CAPRIN2: variants seen among roughly 807,000 people sequenced by gnomAD.
The protein encoded by CAPRIN2 is caprin family member 2, also known as caprin-2.
CAPRIN2 carries 66 observed loss-of-function variants against 130.4 expected under a neutral mutation model. The ratio of observed to expected loss-of-function variants is 0.51; its 90% CI spans 0.42 to 0.62. The LOEUF (loss-of-function observed/expected upper bound fraction) is 0.62, where lower values mean the gene tolerates loss of function less well. CAPRIN2 is among the 20% of genes least tolerant of loss of function. The pLI is 0.00. For synonymous variants in CAPRIN2, 471 were observed against 444.1 expected, an observed-to-expected ratio of 1.06 and a Z score of -0.76; for missense variants, 1,185 against 1,246.6, an observed-to-expected ratio of 0.95 and a Z score of 0.74.
intron 12 of CAPRIN2, 139 bp downstream of exon 13, chr12:30,720,672 T>C (rs745709470): frequency 2.8e-5 from 16 of 572,842 alleles, no homozygotes; most frequent in Non-Finnish European, 5.0e-5. Context: ...AGTTCCAAGA[T>C]CACAATATCT....
intron 14 of CAPRIN2, among the ~76,000 whole-genome samples, chr12:30,714,213 G>A (rs1456139395): frequency 2.6e-5 from 4 of 152,126 alleles, no homozygotes; most frequent in Admixed American, 1.3e-4. Flanking sequence ...GCAGTGCCTC[G>A]CTCTGTTACT....
rs186218254 is a variant in CAPRIN2, at chr12:30,710,645, C to T, written c.2666-175G>A. The T allele has an allele frequency of 1.2e-4, 111 of 949,170 alleles. No individual in the cohort carries two copies. The African/African-American group carries it at 1.7e-3, about 15-fold the overall frequency. The allele number at this position is 949,170 out of a possible 1,614,324, so 58.8% of individuals were successfully genotyped here. A position where few individuals can be genotyped will look rare whatever the true frequency, so the allele number is the denominator to read the frequency against. ...AGATTTTTCTGGTAATAGGTTTTTACATACTCTTCTAAAGCCAGAAAGGTC... is the reference window on the plus strand; with the variant it reads ...AGATTTTTCTGGTAATAGGTTTTTATATACTCTTCTAAAGCCAGAAAGGTC... On this transcript the variant is annotated intron_variant, in intron 16 of 16. Coordinates refer to ENST00000298892, the Ensembl canonical transcript of CAPRIN2. The surrounding 1 kb of genome is among the most constrained non-coding windows in gnomAD (Gnocchi z 4.8).
At chr12:30,726,004 G>A (rs779090044) in exon 9 of CAPRIN2, 2 of 1,601,058 alleles carry the variant, frequency 1.2e-6, no homozygotes. Flanking sequence ...TGAGTCATCA[G>A]ATCCTGCAGT....
intron 5 of CAPRIN2, among the ~76,000 whole-genome samples, chr12:30,732,958 T>G (rs192612741): frequency 1.2e-4 from 18 of 152,244 alleles, no homozygotes; most frequent in Admixed American, 3.9e-4. Context: ...AAGAAATAAA[T>G]TTTTAATTTT....
intron 14 of CAPRIN2, 48 bp from the exon 17 acceptor site, chr12:30,713,933 A>AACTT: frequency 9.1e-7 from 1 of 1,100,928 alleles, no homozygotes; most frequent in Non-Finnish European, 1.4e-6. Context: ...AATCATATTA[A>AACTT]ACTTTTAAAC....
At chr12:30,749,694 A>G (rs75187873) in intron 2 of CAPRIN2, among the ~76,000 whole-genome samples, 231 of 152,296 alleles carry the variant, frequency 1.5e-3, no homozygotes, top group African/African-American at 5.1e-3. Context: ...GTTTTGGGGA[A>G]CAGGGAAAAA....
At chr12:30,730,569 C>G (rs1340113912) in intron 6 of CAPRIN2, among the ~76,000 whole-genome samples, 1 of 151,954 alleles carries the variant, frequency 6.6e-6, no homozygotes, top group Non-Finnish European at 1.5e-5. Flanking sequence ...TTCTTCTTAC[C>G]CTAAAACACA....
In CAPRIN2 at chr12:30,710,035, T is replaced by C; in HGVS notation, c.3101A>G (p.Glu1034Gly). The change falls in exon 17 of 17, where the codon GAA (glutamate) becomes GGA (glycine). Residue 1034 changes from glutamate to glycine, a missense_variant. This residue lies in a region of CAPRIN2 where 81 missense variants were observed against 142.2 expected (regional missense o/e 0.57). Transcript: ENST00000298892. This position sits in a 1 kb window ranked among gnomAD's most constrained non-coding sequence, Gnocchi z 4.8. The stretch of plus-strand genomic sequence containing the variant: ...AAGAATTGCATGATTGCTAGCAGTT[T>C]CATGGTCTGGAGCACCATCATTGGC... The C allele has an allele frequency of 6.2e-7, 1 of 1,614,214 alleles. No individual in the cohort carries two copies. The highest frequency in any genetic ancestry group is 8.5e-7 in the Non-Finnish European group (1 of 1,180,038).
chr12:30,720,779 T>C, intron 12 of CAPRIN2, 32 bp downstream of exon 13: 2 of 1,278,148 alleles, frequency 1.6e-6, no homozygotes, highest in Non-Finnish European at 1.1e-6. Flanking sequence ...TTCTTTAAGA[T>C]ACAAAAGAAA....
intron 1 of CAPRIN2, 130 bp downstream of exon 2, chr12:30,753,214 T>C: frequency 1.5e-6 from 1 of 685,868 alleles, no homozygotes; most frequent in Non-Finnish European, 2.5e-6. Flanking sequence ...CGTAACCTGC[T>C]TGTTTAAAGC....
chr12:30,747,679 A>G (rs2071367145), intron 2 of CAPRIN2, among the ~76,000 whole-genome samples: 1 of 148,606 alleles, frequency 6.7e-6, no homozygotes, highest in Non-Finnish European at 1.5e-5. Flanking sequence ...CACCGTCTCA[A>G]AAAAAAAAAA....
chr12:30,716,317 T>C (rs956024390), intron 13 of CAPRIN2, 191 bp downstream of exon 15: 5 of 514,544 alleles, frequency 9.7e-6, no homozygotes, highest in African/African-American at 4.0e-5. Context: ...CTACAAAAAT[T>C]AAAATTAATA....
At chr12:30,734,886 ACTCTCT>A in intron 4 of CAPRIN2, 76 bp downstream of exon 5, 3 of 564,250 alleles carry the variant, frequency 5.3e-6, no homozygotes, top group Non-Finnish European at 9.4e-6. Flanking sequence ...ACACACACAC[ACTCTCT>A]CTCTCACATA....
intron 9 of CAPRIN2, among the ~76,000 whole-genome samples, chr12:30,725,381 A>G (rs1283846204): frequency 6.6e-6 from 1 of 152,222 alleles, no homozygotes; most frequent in African/African-American, 2.4e-5. Flanking sequence ...TAAGTAACAG[A>G]ATTTAAACCC....
chr12:30,722,824 G>A (rs1040647424), intron 11 of CAPRIN2, among the ~76,000 whole-genome samples: 4 of 152,008 alleles, frequency 2.6e-5, no homozygotes, highest in East Asian at 1.9e-4. Flanking sequence ...GCTTGAACCC[G>A]TGAGGCAGAC....
intron 11 of CAPRIN2, among the ~76,000 whole-genome samples, chr12:30,722,869 A>G (rs547858166): frequency 6.6e-6 from 1 of 152,274 alleles, no homozygotes; most frequent in African/African-American, 2.4e-5. Flanking sequence ...ATGCTACTGC[A>G]CTCCAGCCTG....
intron 5 of CAPRIN2, among the ~76,000 whole-genome samples, chr12:30,732,499 T>C (rs528779202): frequency 2.0e-5 from 3 of 152,138 alleles, no homozygotes; most frequent in East Asian, 3.9e-4. Context: ...AGAACCATGA[T>C]ATAGAGGATT....
chr12:30,752,087 T>G (rs1454492419), intron 1 of CAPRIN2, among the ~76,000 whole-genome samples: 1 of 151,590 alleles, frequency 6.6e-6, no homozygotes, highest in Non-Finnish European at 1.5e-5. Flanking sequence ...CCTGGCTAAT[T>G]CTTTTTGTAT....
intron 9 of CAPRIN2, among the ~76,000 whole-genome samples, chr12:30,724,838 T>G (rs1428502281): frequency 1.3e-5 from 2 of 151,948 alleles, no homozygotes; most frequent in Non-Finnish European, 1.5e-5. Context: ...AAAAATTTTT[T>G]GAAGAATTAG....
Sources: gnomAD v4.1 joint callset for allele counts (sites outside exome capture counted in the v4.1 genomes callset) on GRCh38, gnomAD v4.1.1 for gene constraint, gnomAD v4.1.1 regional missense constraint, Gnocchi (gnomAD v3.1) non-coding constraint, MANE v1.5 for transcripts, NCBI Gene and HGNC (gene_info 2026-07-23, HGNC 2026-07-21) for gene names.